PMEPA1: variants seen among roughly 807,000 people sequenced by gnomAD.
The protein encoded by PMEPA1 is prostate transmembrane protein, androgen induced 1.
In PMEPA1, 11 loss-of-function variants were observed where a neutral mutation model predicts 23.0. The observed-to-expected ratio is 0.48, with a 90% CI of 0.30 to 0.79. PMEPA1 has a LOEUF of 0.79. PMEPA1 is among the 30% of genes least tolerant of loss of function. The probability of loss-of-function intolerance (pLI) is 0.06; values close to 1 mark genes in which losing one functional copy is unlikely to be tolerated. For synonymous variants in PMEPA1, 204 were observed against 166.4 expected (o/e 1.23, Z -1.74); for missense variants, 377 against 390.9 (o/e 0.96, Z 0.30).
intron 1 of PMEPA1, among the ~76,000 whole-genome samples, chr20:57,681,523 C>T (rs1031838195): frequency 2.0e-5 from 3 of 152,206 alleles, no homozygotes; most frequent in African/African-American, 7.2e-5. Context: ...GTCCCAGCAT[C>T]AAGAAGGGAA....
Position 57,656,547 on chromosome 20 carries a change from T to G in PMEPA1, c.264+2996A>C, listed in dbSNP as rs1347457949. On this transcript the variant is annotated intron_variant, in intron 2 of 3. Transcript: ENST00000341744. This position sits in a 1 kb window ranked among gnomAD's most constrained non-coding sequence, Gnocchi z 4.7. ...GGCTGGGCGGTCACTGCAGTGACGT[T>G]CTGCATCATGTCCCGAATACCCTCG... Among the ~76,000 whole-genome samples, 1 of 152,134 alleles carries G rather than the reference T, an allele frequency of 6.6e-6. No individual in the cohort carries two copies. The highest frequency in any genetic ancestry group is 1.5e-5 in the Non-Finnish European group (1 of 68,026).
rs369868119 is a variant in PMEPA1, at chr20:57,671,235, A to G, written c.110-11538T>C. Among the ~76,000 whole-genome samples the G allele has an allele frequency of 1.2e-4, 18 of 152,312 alleles. No homozygotes were observed. In the East Asian group the frequency reaches 3.3e-3, roughly 28 times the overall value. On this transcript the variant is annotated intron_variant, in intron 1 of 3. Coordinates refer to ENST00000341744, the MANE Select transcript of PMEPA1 (RefSeq NM_020182.5). ...ACCGTTTGAATTATTGGCAGAACGG[A>G]GTGAACTCACAGTGAGCGAGCAGTC...
rs541835861 is a variant in PMEPA1, at chr20:57,667,567, A to G, written c.110-7870T>C. On this transcript the variant is annotated intron_variant, in intron 1 of 3. Transcript: ENST00000341744. ...ACGACCCCCCTCCACCGCCACCCCA[A>G]CAGTCTGTCCCAGGGGAGGGGCAGC... 5.3e-5 allele frequency among the ~76,000 whole-genome samples: 8 copies of G among 152,246 alleles called. No homozygotes were observed. In the East Asian group the frequency reaches 1.5e-3, roughly 29 times the overall value.
At chr20:57,664,953 C>A (rs181740660) in intron 1 of PMEPA1, among the ~76,000 whole-genome samples, 1 of 152,328 alleles carries the variant, frequency 6.6e-6, no homozygotes, top group African/African-American at 2.4e-5. Context: ...TGACAGACTG[C>A]CCCTTTACCA....
At chr20:57,653,367 T>C (rs542045848) in intron 2 of PMEPA1, among the ~76,000 whole-genome samples, 1 of 152,244 alleles carries the variant, frequency 6.6e-6, no homozygotes, top group East Asian at 1.9e-4. Flanking sequence ...GGCCCCCTTC[T>C]CAAAGCTGCC....
chr20:57,709,903 C>T lies in PMEPA1; in HGVS notation c.-321G>A. The T allele has an allele frequency of 5.0e-6, 5 of 1,008,954 alleles. No homozygotes were observed. The highest frequency in any genetic ancestry group is 4.3e-5 in the South Asian group (1 of 23,516). 62.5% of individuals were successfully genotyped at this position (1,008,954 alleles called of 1,614,324 possible). A position where few individuals can be genotyped will look rare whatever the true frequency, so the allele number is the denominator to read the frequency against. ...GCTGAGCCTCTGCCGCTAGCTTTCC[C>T]CAGCCGAGCGCCTCCGCCGCCGCCG... On this transcript the variant is annotated 5_prime_UTR_variant, in exon 1 of 4. Transcript: ENST00000341744.
chr20:57,673,507 T>C (rs1246217399), intron 1 of PMEPA1, among the ~76,000 whole-genome samples: 1 of 152,210 alleles, frequency 6.6e-6, no homozygotes, highest in Non-Finnish European at 1.5e-5. Flanking sequence ...AAAGCCGGCA[T>C]GAGCCCGGCA....
chr20:57,668,878 G>C (rs2071529387), intron 1 of PMEPA1, among the ~76,000 whole-genome samples: 1 of 152,120 alleles, frequency 6.6e-6, no homozygotes, highest in African/African-American at 2.4e-5. Flanking sequence ...TCATTGCCTT[G>C]ATCCCGGCCC....
intron 1 of PMEPA1, among the ~76,000 whole-genome samples, chr20:57,681,089 T>C (rs577824398): frequency 1.3e-5 from 2 of 152,342 alleles, no homozygotes; most frequent in South Asian, 4.1e-4. Flanking sequence ...CCCCAGGGCC[T>C]GGGAGTCCCC....
chr20:57,707,452 G>A (rs988409449), intron 1 of PMEPA1, among the ~76,000 whole-genome samples: 2 of 152,102 alleles, frequency 1.3e-5, no homozygotes, highest in African/African-American at 4.8e-5. Flanking sequence ...ACTAACTGGG[G>A]CACCCAGGGG....
In PMEPA1 at chr20:57,709,462, G is replaced by T; in HGVS notation, c.109+12C>A. The T allele has an allele frequency of 1.8e-6, 2 of 1,108,748 alleles. No homozygotes were observed. The highest frequency in any genetic ancestry group is 2.2e-6 in the Non-Finnish European group (2 of 891,496). The allele number at this position is 1,108,748 out of a possible 1,614,324, so 68.7% of individuals were successfully genotyped here. On this transcript the variant is annotated intron_variant, in intron 1 of 3. Transcript: ENST00000341744. ...ATGGAGTCTCCGGGGAGGGGGGCGT[G>T]GGGTCACTCACTGATCTCCATGCTC...
rs1025116007 is a variant in PMEPA1 at position 57,651,449 on chromosome 20, A to G, written c.*604T>C. The G allele has an allele frequency of 6.6e-6, 1 of 152,640 alleles. No individual in the cohort carries two copies. The highest frequency in any genetic ancestry group is 2.4e-5 in the African/African-American group (1 of 41,452). The allele number at this position is 152,640 out of a possible 1,614,324, so 9.5% of individuals were successfully genotyped here. On this transcript the variant is annotated 3_prime_UTR_variant, in exon 4 of 4. Coordinates refer to ENST00000341744, the MANE Select transcript of PMEPA1 (RefSeq NM_020182.5). ...TATTAAAAAATAGTGCAAAATCTCA[A>G]CATTTATATAAATAACTCTAAACCC...
At chr20:57,680,761 A>G (rs185640953) in intron 1 of PMEPA1, among the ~76,000 whole-genome samples, 264 of 152,354 alleles carry the variant, frequency 1.7e-3, no homozygotes, top group African/African-American at 6.0e-3. Context: ...TTCATTTCAC[A>G]CTTGGATTGT....
At chr20:57,706,486 G>T (rs566346616) in intron 1 of PMEPA1, among the ~76,000 whole-genome samples, 99 of 152,208 alleles carry the variant, frequency 6.5e-4, no homozygotes, top group African/African-American at 2.3e-3. Flanking sequence ...TTTCCCACGG[G>T]TATGTTTTGG....
intron 1 of PMEPA1, among the ~76,000 whole-genome samples, chr20:57,672,123 T>C (rs1352028958): frequency 6.6e-6 from 1 of 152,276 alleles, no homozygotes; most frequent in East Asian, 1.9e-4. Flanking sequence ...TATTCGTAAA[T>C]TGTTTGCATT....
At position 57,651,477 on chromosome 20, in the gene PMEPA1, G is replaced by A. The variant is rs970840075; in HGVS notation, c.*576C>T. ...TTTATATAAATAACTCTAAACCCCT[G>A]CTTTGTAATTTTTTTCTTTACAAGG... On this transcript the variant is annotated 3_prime_UTR_variant, in exon 4 of 4. Transcript: ENST00000341744. 2 of 152,472 alleles carry A rather than the reference G, an allele frequency of 1.3e-5. No homozygotes were observed. Among genetic ancestry groups the A allele is most frequent in the African/African-American group, 4.8e-5 (2 of 41,380 alleles). The allele number at this position is 152,472 out of a possible 1,614,324, so 9.4% of individuals were successfully genotyped here.
chr20:57,710,270 G>A (rs2072157528), upstream of PMEPA1: 1 of 623,216 alleles, frequency 1.6e-6, no homozygotes, highest in Non-Finnish European at 2.5e-6. Flanking sequence ...CGCACGCCCG[G>A]GGCCGGGGAG....
intron 1 of PMEPA1, chr20:57,690,688 G>C: frequency 2.8e-6 from 2 of 724,306 alleles, no homozygotes; most frequent in Non-Finnish European, 3.8e-6. Flanking sequence ...ACTCGGTGCA[G>C]ATGAAGATCT....
rs1444657830 is a variant in PMEPA1 at position 57,683,990 on chromosome 20, C to T, written c.110-24293G>A. ...GTTATGGGATGTCCTTCTCTATCTC[C>T]TGCAGACGAAATGTCCCACCACGCC... On this transcript the variant is annotated intron_variant, in intron 1 of 3. Coordinates refer to ENST00000341744, the MANE Select transcript of PMEPA1 (RefSeq NM_020182.5). This position sits in a 1 kb window ranked among gnomAD's most constrained non-coding sequence, Gnocchi z 4.3. Among the ~76,000 whole-genome samples the T allele has an allele frequency of 6.6e-6, 1 of 152,196 alleles. No homozygotes were observed. Among genetic ancestry groups the T allele is most frequent in the Non-Finnish European group, 1.5e-5 (1 of 68,038 alleles).
Sources: allele counts gnomAD v4.1 joint callset (sites outside exome capture counted in the v4.1 genomes callset), GRCh38; gene constraint gnomAD v4.1.1; non-coding constraint Gnocchi (gnomAD v3.1); transcripts MANE v1.5; gene names NCBI Gene and HGNC (gene_info 2026-07-23, HGNC 2026-07-21).